The following SLC16A5 variants were observed in gnomAD, a reference collection of about 807,000 sequenced individuals.
SLC16A5 encodes monocarboxylate transporter 6.
SLC16A5 carries 29 observed loss-of-function variants against 33.2 expected under a neutral mutation model. That is an observed-to-expected ratio of 0.87 (90% CI 0.65 to 1.19). The LOEUF (loss-of-function observed/expected upper bound fraction) is 1.19. SLC16A5 is among the 50% of genes most tolerant of loss of function. SLC16A5 has a pLI of 0.00. For synonymous variants in SLC16A5, 248 were observed against 284.1 expected (o/e 0.87, Z 1.28); for missense variants, 606 against 678.2 (o/e 0.89, Z 1.18).
chr17:75,092,354 G>A (rs949056513), intron 2 of SLC16A5, among the ~76,000 whole-genome samples: 1 of 150,234 alleles, frequency 6.7e-6, no homozygotes, highest in African/African-American at 2.5e-5. Flanking sequence ...GTGTCTAAGT[G>A]TGTGTCTTTT....
At chr17:75,091,526 G>T (rs1456143824) in intron 2 of SLC16A5, among the ~76,000 whole-genome samples, 2 of 152,184 alleles carry the variant, frequency 1.3e-5, no homozygotes, top group Admixed American at 1.3e-4. Context: ...TCACCTTGGT[G>T]GGGCTCCCAG....
intron 3 of SLC16A5, among the ~76,000 whole-genome samples, chr17:75,095,129 C>T (rs1568005255): frequency 6.6e-6 from 1 of 152,258 alleles, no homozygotes; most frequent in Non-Finnish European, 1.5e-5. Flanking sequence ...CCACCAGCAG[C>T]CTGCCTATTA....
At position 75,103,988 on chromosome 17, in the gene SLC16A5, CCAA is replaced by C. The variant is rs750437421; in HGVS notation, c.1177_1179del (p.Asn393del). ...TCCCCAGGGTTGCTCCTGGACGCCA[CCAA>C]CAACTTTAGCTATGTTTTCTACATG... On this transcript the variant is annotated inframe_deletion, in exon 6 of 7. Transcript: ENST00000329783. 7.4e-6 allele frequency: 12 copies of C among 1,614,120 alleles called. No homozygotes were observed. The highest frequency in any genetic ancestry group is 1.0e-5 in the Non-Finnish European group (12 of 1,179,974).
chr17:75,093,518 G>A lies in SLC16A5; in HGVS notation c.-48-71G>A, dbSNP rs1270008639. 2.6e-6 allele frequency: 4 copies of A among 1,537,950 alleles called. No homozygotes were observed. The African/African-American group carries it at 5.5e-5, about 21-fold the overall frequency. Reference sequence around the variant, plus strand: ...GGAAGGGATGGCTTAGCTGCCCAGAGAAGGTGGCAGGTGGGCCAGGAGAGA... The same window carrying A: ...GGAAGGGATGGCTTAGCTGCCCAGAAAAGGTGGCAGGTGGGCCAGGAGAGA... On this transcript the variant is annotated intron_variant, in intron 2 of 6. Transcript: ENST00000329783.
intron 3 of SLC16A5, among the ~76,000 whole-genome samples, chr17:75,096,343 T>G (rs1456828256): frequency 2.2e-5 from 1 of 45,864 alleles, no homozygotes; most frequent in Admixed American, 2.4e-4. Context: ...CCCCCACCCC[T>G]GTGACTAAGG....
intron 3 of SLC16A5, among the ~76,000 whole-genome samples, chr17:75,096,039 A>G (rs2073714204): frequency 6.6e-6 from 1 of 151,776 alleles, no homozygotes. Flanking sequence ...TCCTGGGCTC[A>G]AGTGATCTAC....
downstream of SLC16A5, chr17:75,110,025 C>A (rs898894803): frequency 1.1e-5 from 5 of 445,604 alleles, no homozygotes; most frequent in Middle Eastern, 6.0e-4. Flanking sequence ...CGAGCCCCAA[C>A]CAGTAGACGG....
chr17:75,093,421 A>C (rs1323520332), intron 2 of SLC16A5, 168 bp from the exon 3 acceptor site: 5 of 1,535,726 alleles, frequency 3.3e-6, no homozygotes, highest in Non-Finnish European at 4.4e-6. Context: ...GGAGATGCCA[A>C]GGCCAACGCG....
chr17:75,097,903 T>G (rs1598150582), intron 3 of SLC16A5, 135 bp from the exon 4 acceptor site: 1 of 960,744 alleles, frequency 1.0e-6, no homozygotes. Context: ...GGCAGGTGGG[T>G]ATCAGAATCC....
chr17:75,105,785 C>T, intron 6 of SLC16A5, 95 bp from the exon 7 acceptor site: 3 of 1,438,050 alleles, frequency 2.1e-6, no homozygotes, highest in Non-Finnish European at 2.8e-6. Flanking sequence ...CCTAGCTCAG[C>T]AAGGGGTGCT....
chr17:75,087,922 G>A (rs1490455198), upstream of SLC16A5: 1 of 152,198 alleles, frequency 6.6e-6, no homozygotes, highest in African/African-American at 2.4e-5. Context: ...CACCGCCCTG[G>A]GCCCGCCCTG....
upstream of SLC16A5, chr17:75,087,888 G>A (rs2073588354): frequency 6.6e-6 from 1 of 152,374 alleles, no homozygotes; most frequent in Non-Finnish European, 1.5e-5. Flanking sequence ...ATCCCGGGGA[G>A]GCTGGAAGGT....
chr17:75,092,835 G>C (rs975875722), intron 2 of SLC16A5, among the ~76,000 whole-genome samples: 1 of 141,940 alleles, frequency 7.0e-6, no homozygotes, highest in Admixed American at 7.1e-5. Context: ...GTGTGTGTGT[G>C]TGTGTGTGTG....
chr17:75,096,532 CTTTTTTTT>C (rs371484359), intron 3 of SLC16A5, among the ~76,000 whole-genome samples: 3 of 140,690 alleles, frequency 2.1e-5, no homozygotes, highest in African/African-American at 7.9e-5. Context: ...TTGCTTTTTT[CTTTTTTTT>C]TTTTTTCGGA....
chr17:75,109,402 G>A (rs918474468), downstream of SLC16A5, among the ~76,000 whole-genome samples: 1 of 152,154 alleles, frequency 6.6e-6, no homozygotes, highest in Non-Finnish European at 1.5e-5. This position sits in a 1 kb window ranked among gnomAD's most constrained non-coding sequence, Gnocchi z 5.0. Context: ...GATGGGGGGC[G>A]TAAGGAGCTG....
At chr17:75,093,977 C>A in intron 3 of SLC16A5, 142 bp downstream of exon 3, 1 of 1,283,638 alleles carries the variant, frequency 7.8e-7, no homozygotes, top group Non-Finnish European at 1.0e-6. Context: ...CAGATTTCAC[C>A]AGGGGCCCCT....
intron 2 of SLC16A5, among the ~76,000 whole-genome samples, chr17:75,092,094 ATGTC>A (rs1047873344): frequency 7.3e-5 from 11 of 150,322 alleles, no homozygotes; most frequent in Non-Finnish European, 1.5e-5. Flanking sequence ...GTGTGTCCGT[ATGTC>A]TGTGTAGCAT....
chr17:75,103,218 G>A (rs1200407859), intron 5 of SLC16A5, among the ~76,000 whole-genome samples: 3 of 151,986 alleles, frequency 2.0e-5, no homozygotes, highest in African/African-American at 7.3e-5. Flanking sequence ...TGGAGACAGG[G>A]TTTCACCATG....
chr17:75,104,601 G>A (rs2145081668), intron 6 of SLC16A5: 2 of 559,616 alleles, frequency 3.6e-6, no homozygotes, highest in South Asian at 7.8e-5. Flanking sequence ...ACAGGCATGC[G>A]CCACCACTCC....
Sources: allele counts gnomAD v4.1 joint callset (sites outside exome capture counted in the v4.1 genomes callset), GRCh38; gene constraint gnomAD v4.1.1; non-coding constraint Gnocchi (gnomAD v3.1); transcripts MANE v1.5; gene names NCBI Gene and HGNC (gene_info 2026-07-23, HGNC 2026-07-21).